Variants in NPAS1 observed in about 807,000 individuals in gnomAD.
NPAS1 encodes neuronal PAS domain-containing protein 1.
NPAS1 carries 29 observed loss-of-function variants against 49.2 expected under a neutral mutation model. The ratio of observed to expected loss-of-function variants is 0.59; its 90% CI spans 0.44 to 0.80. NPAS1 has a LOEUF of 0.80. Ranked by LOEUF, NPAS1 falls within the 30% of genes least tolerant of loss-of-function variation. The pLI, the probability that NPAS1 is intolerant of heterozygous loss-of-function variation, is 0.00. For synonymous variants in NPAS1, 408 were observed against 380.4 expected (o/e 1.07, Z -0.84); for missense variants, 825 against 835.5 (o/e 0.99, Z 0.15).
Position 47,021,194 on chromosome 19 carries a change from C to T in NPAS1, c.122+25C>T, listed in dbSNP as rs761857016. The T allele has an allele frequency of 1.1e-5, 16 of 1,497,496 alleles. No homozygotes were observed. Among genetic ancestry groups the T allele is most frequent in the Non-Finnish European group, 1.3e-5 (15 of 1,123,530 alleles). The allele number at this position is 1,497,496 out of a possible 1,614,324, so 92.8% of individuals were successfully genotyped here. Reference sequence around the variant, plus strand: ...GGTGAGCAAAGCCCCGCCCCCCTGGCCGCGGGCCCCCCCCCGGGTCCAATT... The same window carrying T: ...GGTGAGCAAAGCCCCGCCCCCCTGGTCGCGGGCCCCCCCCCGGGTCCAATT... On this transcript the variant is annotated intron_variant, in intron 2 of 11. Coordinates refer to ENST00000602212, the MANE Select transcript of NPAS1 (RefSeq NM_002517.4). This position sits in a 1 kb window ranked among gnomAD's most constrained non-coding sequence, Gnocchi z 5.7.
chr19:47,020,552 G>A (rs2056832267), intron 1 of NPAS1, among the ~76,000 whole-genome samples: 1 of 151,542 alleles, frequency 6.6e-6, no homozygotes, highest in South Asian at 2.1e-4. Flanking sequence ...AAAACAGGGT[G>A]CAGATCCGGG....
chr19:47,031,167 A>ATT (rs1467143086), intron 3 of NPAS1, among the ~76,000 whole-genome samples: 2 of 140,878 alleles, frequency 1.4e-5, no homozygotes, highest in African/African-American at 5.3e-5. Context: ...GTAATTCCAT[A>ATT]TTTGTTAGTT....
intron 8 of NPAS1, 57 bp downstream of exon 8, chr19:47,039,621 T>C: frequency 2.7e-6 from 4 of 1,500,422 alleles, no homozygotes; most frequent in Non-Finnish European, 3.6e-6. Context: ...GATCTGGGGG[T>C]ACATGGGGAG....
rs1230132041 is a variant in NPAS1, at chr19:47,039,317, TG to T, written c.805-85del. The T allele has an allele frequency of 1.9e-6, 3 of 1,561,474 alleles. No homozygotes were observed. The African/African-American group carries it at 4.1e-5, about 21-fold the overall frequency. The stretch of plus-strand genomic sequence containing the variant: ...ACAGTGTCCAGTCCTCCAGCACCTG[TG>T]GGGGACAGAGGGAACCCAGCCCAGT... On this transcript the variant is annotated intron_variant, in intron 7 of 11. Coordinates refer to ENST00000602212, the MANE Select transcript of NPAS1 (RefSeq NM_002517.4).
chr19:47,021,768 C>G lies in NPAS1; in HGVS notation c.279C>G (p.Thr93=). 6.5e-7 allele frequency: 1 copy of G among 1,538,384 alleles called. No individual in the cohort carries two copies. Among genetic ancestry groups the G allele is most frequent in the African/African-American group, 1.4e-5 (1 of 71,066 alleles). ...CTTCCATCGTGCGCCTCAGCGTCAC[C>G]TACCTCCGCCTGCGCCGGTTCGCCG... ...DKASIVRLSV[T]YLRLRRFAAL... Residue 93 remains threonine, a synonymous_variant, in exon 3 of 12, where the codon ACC becomes ACG. Transcript: ENST00000602212. The surrounding 1 kb of genome is among the most constrained non-coding windows in gnomAD (Gnocchi z 5.7).
Position 47,019,886 on chromosome 19 carries a change from C to T in NPAS1, c.-154C>T. The T allele has an allele frequency of 2.8e-6, 1 of 356,912 alleles. No homozygotes were observed. Among genetic ancestry groups the T allele is most frequent in the Non-Finnish European group, 5.0e-6 (1 of 199,226 alleles). The allele number at this position is 356,912 out of a possible 1,614,324, so 22.1% of individuals were successfully genotyped here. A position where few individuals can be genotyped will look rare whatever the true frequency, so the allele number is the denominator to read the frequency against. ...GCGCCACAGCCCGCGCGTCCCGCTG[C>T]GCCCCGCGCGCCCCGGGGTCTATGG... On this transcript the variant is annotated 5_prime_UTR_variant, in exon 1 of 12. Coordinates refer to ENST00000602212, the MANE Select transcript of NPAS1 (RefSeq NM_002517.4).
intron 11 of NPAS1, 129 bp from the exon 12 acceptor site, chr19:47,045,062 A>C: frequency 1.1e-6 from 1 of 900,096 alleles, no homozygotes; most frequent in Non-Finnish European, 1.7e-6. Flanking sequence ...CAAAACAAAC[A>C]AACAAAAAAA....
At position 47,021,966 on chromosome 19, in the gene NPAS1, C is replaced by G. The variant is rs1314314687; in HGVS notation, c.358+119C>G. On this transcript the variant is annotated intron_variant, in intron 3 of 11. Transcript: ENST00000602212. The surrounding 1 kb of genome is among the most constrained non-coding windows in gnomAD (Gnocchi z 5.7). ...GCTTGTCTCTGGAGTCAGCCAGGAC[C>G]TTTGCGTGTCCCTATCAGGTGGCTT... The G allele has an allele frequency of 3.3e-6, 2 of 602,592 alleles. No homozygotes were observed. The highest frequency in any genetic ancestry group is 2.6e-6 in the Non-Finnish European group (1 of 378,526). 37.3% of individuals were successfully genotyped at this position (602,592 alleles called of 1,614,324 possible).
intron 3 of NPAS1, among the ~76,000 whole-genome samples, chr19:47,030,189 A>G (rs1180199416): frequency 6.6e-6 from 1 of 151,972 alleles, no homozygotes; most frequent in Non-Finnish European, 1.5e-5. Context: ...ACGCCCAGCT[A>G]ATTTTTATAT....
intron 3 of NPAS1, among the ~76,000 whole-genome samples, chr19:47,028,886 AC>A (rs1296447223): frequency 7.3e-5 from 11 of 151,460 alleles, no homozygotes; most frequent in Non-Finnish European, 1.3e-4. Context: ...AGGCTCCGGG[AC>A]CCCCAGGTCT....
intron 11 of NPAS1, among the ~76,000 whole-genome samples, chr19:47,043,788 G>A (rs181331070): frequency 6.6e-6 from 1 of 151,880 alleles, no homozygotes; most frequent in African/African-American, 2.4e-5. Context: ...ATCCAGGCCC[G>A]GTGTGGTGGC....
Position 47,039,287 on chromosome 19 carries a change from G to A in NPAS1, c.805-120G>A, listed in dbSNP as rs982514274. 4 of 1,481,270 alleles carry A rather than the reference G, an allele frequency of 2.7e-6. No individual in the cohort carries two copies. In the African/African-American group the frequency reaches 4.2e-5, roughly 15 times the overall value. The allele number at this position is 1,481,270 out of a possible 1,614,324, so 91.8% of individuals were successfully genotyped here. A position where few individuals can be genotyped will look rare whatever the true frequency, so the allele number is the denominator to read the frequency against. The stretch of plus-strand genomic sequence containing the variant: ...TGGGTCTGGGAATGGGACTGGGGGG[G>A]TCACACAGTGTCCAGTCCTCCAGCA... On this transcript the variant is annotated intron_variant, in intron 7 of 11. Transcript: ENST00000602212.
chr19:47,038,908 A>T lies in NPAS1; in HGVS notation c.689-128A>T, dbSNP rs2056989158. On this transcript the variant is annotated intron_variant, in intron 6 of 11. Transcript: ENST00000602212. ...CCATGAGCTTTCAAAATCATCAGGC[A>T]TGCCTCTGAGTGCGGCCGTGGCCCA... 3 of 728,748 alleles carry T rather than the reference A, an allele frequency of 4.1e-6. No individual in the cohort carries two copies. The Admixed American group carries it at 6.6e-5, about 16-fold the overall frequency. 45.1% of individuals were successfully genotyped at this position (728,748 alleles called of 1,614,324 possible).
At position 47,032,172 on chromosome 19, in the gene NPAS1, T is replaced by C. The variant is rs558719112; in HGVS notation, c.359-106T>C. On this transcript the variant is annotated intron_variant, in intron 3 of 11. Coordinates refer to ENST00000602212, the MANE Select transcript of NPAS1 (RefSeq NM_002517.4). Reference sequence around the variant, plus strand: ...GGGTGCCCAGATACCCCAAGATGTCTACAAGCCTTAGGGGAAGAGAGGGAG... The same window carrying C: ...GGGTGCCCAGATACCCCAAGATGTCCACAAGCCTTAGGGGAAGAGAGGGAG... 157 of 1,041,396 alleles carry C rather than the reference T, an allele frequency of 1.5e-4. No homozygotes were observed. The Middle Eastern group carries it at 1.7e-3, about 11-fold the overall frequency. The allele number at this position is 1,041,396 out of a possible 1,614,324, so 64.5% of individuals were successfully genotyped here.
chr19:47,041,202 G>C, intron 10 of NPAS1, 77 bp downstream of exon 10: 1 of 1,382,084 alleles, frequency 7.2e-7, no homozygotes, highest in Non-Finnish European at 9.5e-7. Flanking sequence ...GGGGTGCTTT[G>C]GGGAGGGCTT....
In NPAS1 at chr19:47,045,276, G is replaced by C. The variant is rs761162726; in HGVS notation, c.1398G>C (p.Glu466Asp). 6 of 1,614,036 alleles carry C rather than the reference G, an allele frequency of 3.7e-6. No individual in the cohort carries two copies. The South Asian group carries it at 5.5e-5, about 15-fold the overall frequency. ...CCCAGGGCAAACGCATCAAAGTGGA[G>C]CCCGGCCCGAGGGAAACCAAAGGCT... ...PQTQGKRIKV[E>D]PGPRETKGSE... is the part of the protein sequence containing the mutation. The change falls in exon 12 of 12, where the codon GAG becomes GAC. Residue 466 changes from glutamate (E) to aspartate (D), a missense_variant. Physicochemically the swap from Glu to Asp is conservative, Grantham distance 45. Coordinates refer to ENST00000602212, the MANE Select transcript of NPAS1 (RefSeq NM_002517.4).
intron 8 of NPAS1, 53 bp from the exon 9 acceptor site, chr19:47,040,391 C>A: frequency 7.8e-7 from 1 of 1,288,560 alleles, no homozygotes. Context: ...AACTCTGCCT[C>A]TCCCCCAACC....
In NPAS1 at chr19:47,041,098, A is replaced by G. The variant is rs2057016992; in HGVS notation, c.1190A>G (p.His397Arg). The G allele has an allele frequency of 6.3e-7, 1 of 1,595,532 alleles. No homozygotes were observed. The highest frequency in any genetic ancestry group is 1.3e-5 in the African/African-American group (1 of 74,794). Residue 397 changes from histidine to arginine, a missense_variant, in exon 10 of 12, where the codon CAT becomes CGT. By Grantham distance (29) the His-to-Arg change is conservative. Coordinates refer to ENST00000602212, the MANE Select transcript of NPAS1 (RefSeq NM_002517.4). ...AGCGGGAAGAGCCCCGGGGAGCACC[A>G]TGTGCTTTGGGTCAGCCACGTGCTC... ...AGSGKSPGEH[H>R]VLWVSHVLSQ...
At chr19:47,042,727 A>G (rs1335009648) in intron 10 of NPAS1, 83 bp from the exon 11 acceptor site, 2 of 1,180,486 alleles carry the variant, frequency 1.7e-6, no homozygotes, top group Non-Finnish European at 1.2e-6. Context: ...GTGTCCACAC[A>G]TTGCCACAAG....
Sources: allele counts gnomAD v4.1 joint callset (sites outside exome capture counted in the v4.1 genomes callset), GRCh38; gene constraint gnomAD v4.1.1; non-coding constraint Gnocchi (gnomAD v3.1); transcripts MANE v1.5; gene names NCBI Gene and HGNC (gene_info 2026-07-23, HGNC 2026-07-21).